The following FUT9 variants were observed in gnomAD, a reference collection of about 807,000 sequenced individuals.
The protein encoded by FUT9 is fucosyltransferase 9.
FUT9 carries 15 observed loss-of-function variants against 29.7 expected under a neutral mutation model. The observed-to-expected ratio is 0.51, with a 90% CI of 0.34 to 0.78. The LOEUF is 0.78. Ranked by LOEUF, FUT9 falls within the 30% of genes least tolerant of loss-of-function variation. FUT9 has a pLI of 0.01. For synonymous variants in FUT9, 169 were observed against 153.7 expected, an observed-to-expected ratio of 1.10 and a Z score of -0.74; for missense variants, 319 against 425.4, an observed-to-expected ratio of 0.75 and a Z score of 2.20.
rs184594223 is a variant in FUT9, at chr6:96,128,044, T to A, written c.-9+13917T>A. On this transcript the variant is annotated intron_variant, in intron 2 of 2. Coordinates refer to ENST00000302103, the MANE Select transcript of FUT9 (RefSeq NM_006581.4). ...CTCTTTATTTTAATTAGATTCCACT[T>A]GTCAATTTTTGAAACTACTCTTTTA... Among the ~76,000 whole-genome samples the A allele has an allele frequency of 8.7e-4, 133 of 152,268 alleles. 1 individual carries two copies. The highest frequency in any genetic ancestry group is 6.8e-3 in the Middle Eastern group (2 of 292).
intron 2 of FUT9, among the ~76,000 whole-genome samples, chr6:96,168,522 G>A (rs547220255): frequency 9.9e-5 from 15 of 152,248 alleles, no homozygotes; most frequent in Middle Eastern, 3.4e-3. Context: ...AACACCATTC[G>A]TAAGTAAAGG....
intron 1 of FUT9, among the ~76,000 whole-genome samples, chr6:96,064,856 T>C (rs541881892): frequency 5.3e-5 from 8 of 152,312 alleles, no homozygotes; most frequent in African/African-American, 1.7e-4. Context: ...AAGAAATCTG[T>C]TGAGAAAGCT....
chr6:96,153,560 A>C (rs12194859), intron 2 of FUT9, among the ~76,000 whole-genome samples: 3 of 152,082 alleles, frequency 2.0e-5, no homozygotes, highest in African/African-American at 4.8e-5. Flanking sequence ...TTTTGGTTAG[A>C]AAATACAAAT....
chr6:96,049,654 C>T (rs766379448), intron 1 of FUT9, among the ~76,000 whole-genome samples: 3 of 152,198 alleles, frequency 2.0e-5, no homozygotes, highest in Non-Finnish European at 4.4e-5. Context: ...CCAAAATTTA[C>T]AGCGTCTGGA....
intron 1 of FUT9, among the ~76,000 whole-genome samples, chr6:96,085,371 G>A (rs72927948): frequency 2.8e-4 from 43 of 152,238 alleles, no homozygotes; most frequent in Non-Finnish European, 3.7e-4. Flanking sequence ...TTCTAACTGC[G>A]TCCTTGCATG....
chr6:96,020,501 A>G (rs767931010), intron 1 of FUT9, among the ~76,000 whole-genome samples: 1 of 152,094 alleles, frequency 6.6e-6, no homozygotes, highest in Non-Finnish European at 1.5e-5. Context: ...AAGCCCACAG[A>G]TGAAAATCCT....
chr6:96,108,020 G>A (rs1771725304), intron 1 of FUT9, among the ~76,000 whole-genome samples: 2 of 148,648 alleles, frequency 1.3e-5, no homozygotes, highest in East Asian at 2.0e-4. Context: ...GCAAAGCTAT[G>A]GACCTGGGGA....
At chr6:96,056,754 A>G in intron 1 of FUT9, among the ~76,000 whole-genome samples, 1 of 152,026 alleles carries the variant, frequency 6.6e-6, no homozygotes, top group Non-Finnish European at 1.5e-5. Context: ...TAAAGGAAAA[A>G]ATAAAAAAAA....
At chr6:96,113,875 A>T (rs917503533) in intron 1 of FUT9, among the ~76,000 whole-genome samples, 164 bp from the exon 2 acceptor site, 2 of 151,296 alleles carry the variant, frequency 1.3e-5, no homozygotes, top group Non-Finnish European at 3.0e-5. Flanking sequence ...AAAAAAATTT[A>T]ACAGAAATCA....
At chr6:96,062,784 C>T (rs1466750034) in intron 1 of FUT9, among the ~76,000 whole-genome samples, 1 of 151,898 alleles carries the variant, frequency 6.6e-6, no homozygotes, top group Non-Finnish European at 1.5e-5. Context: ...TAAACTGTTT[C>T]CCCTTTGTAA....
At chr6:96,129,806 T>C (rs1429157621) in intron 2 of FUT9, among the ~76,000 whole-genome samples, 1 of 152,086 alleles carries the variant, frequency 6.6e-6, no homozygotes, top group Non-Finnish European at 1.5e-5. Flanking sequence ...ATAGTTCTTA[T>C]AAGTCATGCA....
chr6:96,096,565 C>T (rs1051076779), intron 1 of FUT9, among the ~76,000 whole-genome samples: 1 of 151,964 alleles, frequency 6.6e-6, no homozygotes, highest in Non-Finnish European at 1.5e-5. Context: ...AGTTTCACTT[C>T]TTTAAGTCCA....
rs113971233 is a variant in FUT9 at position 96,108,961 on chromosome 6, A to T, written c.-97-5078A>T. On this transcript the variant is annotated intron_variant, in intron 1 of 2. Transcript: ENST00000302103. ...ACCCTTATGGCCATAACCCCTACCA[A>T]CTCTCTGTTACATAGAAGACATTTA... Among the ~76,000 whole-genome samples the T allele has an allele frequency of 1.9e-3, 295 of 152,058 alleles. 1 individual carries two copies. Among genetic ancestry groups the T allele is most frequent in the Middle Eastern group, 0.01 (3 of 290 alleles).
chr6:96,081,541 A>T (rs1394201628), intron 1 of FUT9, among the ~76,000 whole-genome samples: 1 of 151,866 alleles, frequency 6.6e-6, no homozygotes, highest in Non-Finnish European at 1.5e-5. Flanking sequence ...AAATTCTAAT[A>T]TGGGTAAATA....
intron 1 of FUT9, among the ~76,000 whole-genome samples, chr6:96,060,359 C>T (rs985365000): frequency 2.0e-5 from 3 of 152,128 alleles, no homozygotes; most frequent in Non-Finnish European, 4.4e-5. Context: ...CTTAATTATA[C>T]AGCATAAAAC....
At chr6:96,045,838 CT>C (rs36006490) in intron 1 of FUT9, among the ~76,000 whole-genome samples, 2 of 152,172 alleles carry the variant, frequency 1.3e-5, no homozygotes, top group Non-Finnish European at 2.9e-5. Context: ...CTGGCGGGTA[CT>C]TTTTTGCAGT....
chr6:96,139,310 G>C (rs1772416934), intron 2 of FUT9, among the ~76,000 whole-genome samples: 1 of 152,178 alleles, frequency 6.6e-6, no homozygotes, highest in Admixed American at 6.5e-5. Flanking sequence ...TGATGCAAGA[G>C]GTGAGTTCCC....
At chr6:96,158,759 A>C (rs7764881) in intron 2 of FUT9, among the ~76,000 whole-genome samples, 138,814 of 151,892 alleles carry the variant, frequency 0.91, 64,729 homozygotes, top group Non-Finnish European at 1. Flanking sequence ...TCTTCTATAA[A>C]ATAAATGACT....
At position 96,213,892 on chromosome 6, in the gene FUT9, T is replaced by G. The variant is rs1010470024; in HGVS notation, c.*9657T>G. On this transcript the variant is annotated 3_prime_UTR_variant, in exon 3 of 3. Coordinates refer to ENST00000302103, the MANE Select transcript of FUT9 (RefSeq NM_006581.4). ...GACTATATTAAGGTTGTGTTTATAT[T>G]AGGTGAAAAATTGCATGCAATTGGT... The G allele has an allele frequency of 3.0e-5, 5 of 166,968 alleles. No homozygotes were observed. Among genetic ancestry groups the G allele is most frequent in the African/African-American group, 1.2e-4 (5 of 41,436 alleles). The allele number at this position is 166,968 out of a possible 1,614,324, so 10.3% of individuals were successfully genotyped here.
Sources: allele counts gnomAD v4.1 joint callset (sites outside exome capture counted in the v4.1 genomes callset), GRCh38; gene constraint gnomAD v4.1.1; transcripts MANE v1.5; gene names NCBI Gene and HGNC (gene_info 2026-07-23, HGNC 2026-07-21).